Variants in COL4A1 observed in about 807,000 individuals in gnomAD.
COL4A1 encodes the protein collagen type IV alpha 1 chain.
In COL4A1, 40 loss-of-function variants were observed where a neutral mutation model predicts 216.6. That is an observed-to-expected ratio of 0.18 (90% CI 0.14 to 0.24). The LOEUF (loss-of-function observed/expected upper bound fraction) is 0.24, where lower values mean the gene tolerates loss of function less well. Ranked by LOEUF, COL4A1 falls within the 10% of genes least tolerant of loss-of-function variation. The pLI is 1.00. For synonymous variants in COL4A1, 839 were observed against 810.7 expected (o/e 1.03, Z -0.59); for missense variants, 1,628 against 2,196.8 (o/e 0.74, Z 5.18).
At chr13:110,213,212 C>T (rs537049607) in intron 4 of COL4A1, among the ~76,000 whole-genome samples, 1 of 151,836 alleles carries the variant, frequency 6.6e-6, no homozygotes, top group Non-Finnish European at 1.5e-5. Context: ...TCAGAAATCA[C>T]CACGAAAGAA....
chr13:110,200,999 C>T lies in COL4A1; in HGVS notation c.1085-110G>A, dbSNP rs185323882. 31 of 1,193,390 alleles carry T rather than the reference C, an allele frequency of 2.6e-5. No homozygotes were observed. In the East Asian group the frequency reaches 6.8e-4, roughly 26 times the overall value. The allele number at this position is 1,193,390 out of a possible 1,614,324, so 73.9% of individuals were successfully genotyped here. ...TTGGTGCATTGGTAAGTGTCCATGG[C>T]CAAAGGGAACGTAGAAAACAGAGCG... On this transcript the variant is annotated intron_variant, in intron 19 of 51. Transcript: ENST00000375820.
intron 23 of COL4A1, 92 bp downstream of exon 23, chr13:110,192,738 A>C: frequency 9.2e-7 from 1 of 1,089,412 alleles, no homozygotes. Flanking sequence ...GCCGAAAATC[A>C]GGCCTTCTAT....
chr13:110,299,442 G>A (rs1884408030), intron 1 of COL4A1, among the ~76,000 whole-genome samples: 1 of 152,244 alleles, frequency 6.6e-6, no homozygotes, highest in South Asian at 2.1e-4. Context: ...TGCTGTTTAT[G>A]CTTCTGAATT....
chr13:110,302,091 G>A (rs1477406639), intron 1 of COL4A1, among the ~76,000 whole-genome samples: 3 of 152,176 alleles, frequency 2.0e-5, no homozygotes, highest in African/African-American at 7.2e-5. Context: ...AGTCCCAGCC[G>A]TGGGAAGGGA....
chr13:110,168,037 T>C (rs76606891), intron 43 of COL4A1, among the ~76,000 whole-genome samples: 2 of 149,438 alleles, frequency 1.3e-5, no homozygotes, highest in South Asian at 2.1e-4. Flanking sequence ...CTTTTTTTTT[T>C]GAGACAGAGT....
At chr13:110,174,030 A>G in intron 39 of COL4A1, 32 bp from the exon 40 acceptor site, 2 of 1,610,666 alleles carry the variant, frequency 1.2e-6, no homozygotes, top group Non-Finnish European at 8.5e-7. Flanking sequence ...AGACACCCGC[A>G]TAACCTCTCA....
rs1879874608 is a variant in COL4A1 at position 110,212,721 on chromosome 13, T to A, written c.280-103A>T. On this transcript the variant is annotated intron_variant, in intron 4 of 51. Transcript: ENST00000375820. ...TGGAGTCATGCCCTCATTTTTGGTG[T>A]CAGAACACACACAAAGCAGACAGAG... 6 of 1,358,228 alleles carry A rather than the reference T, an allele frequency of 4.4e-6. No homozygotes were observed. The South Asian group carries it at 7.1e-5, about 16-fold the overall frequency. 84.1% of individuals were successfully genotyped at this position (1,358,228 alleles called of 1,614,324 possible). A position where few individuals can be genotyped will look rare whatever the true frequency, so the allele number is the denominator to read the frequency against.
rs1461670504 is a variant in COL4A1, at chr13:110,206,652, G to C, written c.858+13C>G. ...AATTGTTTTATGATAAAAGGACTTTGGAAAGCACTTACTCTGGGTCCTGGT... is the reference window on the plus strand; with the variant it reads ...AATTGTTTTATGATAAAAGGACTTTCGAAAGCACTTACTCTGGGTCCTGGT... On this transcript the variant is annotated intron_variant, in intron 15 of 51. Transcript: ENST00000375820. 6.2e-7 allele frequency: 1 copy of C among 1,613,800 alleles called. No individual in the cohort carries two copies. The highest frequency in any genetic ancestry group is 1.7e-5 in the Admixed American group (1 of 60,020).
At chr13:110,273,927 CT>C (rs1257523063) in intron 1 of COL4A1, among the ~76,000 whole-genome samples, 6 of 152,224 alleles carry the variant, frequency 3.9e-5, no homozygotes, top group African/African-American at 1.4e-4. Context: ...TCCCATTTCC[CT>C]TCCTTTCTCA....
chr13:110,260,051 C>T (rs1048248131), intron 1 of COL4A1, among the ~76,000 whole-genome samples: 6 of 152,206 alleles, frequency 3.9e-5, no homozygotes, highest in Non-Finnish European at 8.8e-5. Context: ...AGGAGCCATT[C>T]TTCTATCTCG....
chr13:110,192,950 T>C (rs945308162), intron 22 of COL4A1, 37 bp from the exon 23 acceptor site: 25 of 1,592,578 alleles, frequency 1.6e-5, no homozygotes, highest in Non-Finnish European at 2.2e-5. Flanking sequence ...ACGTGTAACA[T>C]GTGACCAGAA....
At chr13:110,229,422 C>T (rs1474848126) in intron 2 of COL4A1, among the ~76,000 whole-genome samples, 1 of 152,172 alleles carries the variant, frequency 6.6e-6, no homozygotes, top group Non-Finnish European at 1.5e-5. Flanking sequence ...AATTTTTTCA[C>T]ATTGAGAAAT....
chr13:110,277,121 T>C (rs1447388508), intron 1 of COL4A1, among the ~76,000 whole-genome samples: 1 of 152,224 alleles, frequency 6.6e-6, no homozygotes, highest in African/African-American at 2.4e-5. Flanking sequence ...GCTTAAATGA[T>C]TGAAATTTGC....
chr13:110,278,017 A>G (rs599483), intron 1 of COL4A1, among the ~76,000 whole-genome samples: 21,340 of 152,244 alleles, frequency 0.14, 1,669 homozygotes, highest in East Asian at 0.34. Context: ...AAATGATCCC[A>G]AATGGAACTC....
At chr13:110,209,524 C>A in intron 10 of COL4A1, 97 bp from the exon 11 acceptor site, 1 of 911,214 alleles carries the variant, frequency 1.1e-6, no homozygotes, top group Non-Finnish European at 1.7e-6. Flanking sequence ...CTCTGGTCAA[C>A]ATGATAATTT....
Position 110,307,040 on chromosome 13 carries a change from GAGGCGGCGAGGGACGGCTGCCCGGC to G in COL4A1, c.-38_-14del. 1 of 1,456,466 alleles carries G rather than the reference GAGGCGGCGAGGGACGGCTGCCCGGC, an allele frequency of 6.9e-7. No homozygotes were observed. Among genetic ancestry groups the G allele is most frequent in the Non-Finnish European group, 9.0e-7 (1 of 1,109,042 alleles). 90.2% of individuals were successfully genotyped at this position (1,456,466 alleles called of 1,614,324 possible). On this transcript the variant is annotated 5_prime_UTR_variant, in exon 1 of 52. Transcript: ENST00000375820. This position sits in a 1 kb window ranked among gnomAD's most constrained non-coding sequence, Gnocchi z 5.0. ...GCCGGGGCCCCATGGTGGCGCGCCC[GAGGCGGCGAGGGACGGCTGCCCGGC>G]GTGCGGGGGCCGCGGCGGACAGCTA...
At chr13:110,253,237 T>TG (rs1254238775) in intron 1 of COL4A1, among the ~76,000 whole-genome samples, 1 of 126,610 alleles carries the variant, frequency 7.9e-6, no homozygotes, top group Non-Finnish European at 1.6e-5. Flanking sequence ...ATACATATAA[T>TG]TAGGTATATA....
At chr13:110,228,025 C>T (rs1880824343) in intron 2 of COL4A1, among the ~76,000 whole-genome samples, 1 of 152,144 alleles carries the variant, frequency 6.6e-6, no homozygotes, top group Non-Finnish European at 1.5e-5. Flanking sequence ...TGAACGTCAC[C>T]CTCGCTGGGC....
At chr13:110,272,922 T>C (rs560019040) in intron 1 of COL4A1, among the ~76,000 whole-genome samples, 47 of 152,324 alleles carry the variant, frequency 3.1e-4, no homozygotes, top group Non-Finnish European at 5.9e-4. Flanking sequence ...ACCCCAGGCA[T>C]CGCTCCTCTG....
Sources: gnomAD v4.1 joint callset for allele counts (sites outside exome capture counted in the v4.1 genomes callset) on GRCh38, gnomAD v4.1.1 for gene constraint, Gnocchi (gnomAD v3.1) non-coding constraint, MANE v1.5 for transcripts, NCBI Gene and HGNC (gene_info 2026-07-23, HGNC 2026-07-21) for gene names.